Variants in EDNRB observed in about 807,000 individuals in gnomAD.
EDNRB encodes Hirschsprung disease 2.
A neutral mutation model predicts 46.4 loss-of-function variants in EDNRB; 18 were observed. The observed-to-expected ratio is 0.39, with a 90% confidence interval of 0.27 to 0.57. EDNRB has a LOEUF of 0.57. EDNRB is among the 20% of genes least tolerant of loss of function. The probability of loss-of-function intolerance (pLI) is 0.61; values close to 1 mark genes in which losing one functional copy is unlikely to be tolerated. For missense variants in EDNRB, 434 were observed against 537.5 expected, an observed-to-expected ratio of 0.81 and a Z score of 1.90; for synonymous variants, 213 against 204.9, an observed-to-expected ratio of 1.04 and a Z score of -0.34.
In EDNRB at chr13:77,972,754, C is replaced by T. The variant is rs117528247; in HGVS notation, c.-52+2593G>A. ...TGGTTATGTTAATAACTAGATGGTCCGCAATAGAATGAGGAAAGAAGAAAG... is the reference window on the plus strand; with the variant it reads ...TGGTTATGTTAATAACTAGATGGTCTGCAATAGAATGAGGAAAGAAGAAAG... On this transcript the variant is annotated intron_variant, in intron 1 of 7. Transcript: ENST00000646948. Among the ~76,000 whole-genome samples, 607 of 152,138 alleles carry T rather than the reference C, an allele frequency of 4.0e-3. 4 individuals are homozygous for T. The highest frequency in any genetic ancestry group is 0.01 in the Middle Eastern group (3 of 294).
At chr13:77,972,599 G>A (rs1881767989) in intron 1 of EDNRB, among the ~76,000 whole-genome samples, 1 of 152,146 alleles carries the variant, frequency 6.6e-6, no homozygotes, top group Admixed American at 6.5e-5. Context: ...GTTTACCAAT[G>A]CCCAGTCTAA....
intron 1 of EDNRB, among the ~76,000 whole-genome samples, chr13:77,910,548 A>G (rs1353057553): frequency 1.3e-5 from 2 of 152,040 alleles, no homozygotes; most frequent in Non-Finnish European, 2.9e-5. Flanking sequence ...AGTGCATGGA[A>G]ATATTTTCTT....
chr13:77,905,120 C>G (rs1210955613), intron 1 of EDNRB, among the ~76,000 whole-genome samples: 1 of 151,844 alleles, frequency 6.6e-6, no homozygotes, highest in African/African-American at 2.4e-5. Flanking sequence ...CCTACAGGGC[C>G]AGGCAGGTAA....
chr13:77,959,702 A>G (rs559478352), intron 1 of EDNRB, among the ~76,000 whole-genome samples: 297 of 152,374 alleles, frequency 1.9e-3, no homozygotes, highest in Middle Eastern at 3.4e-3. Flanking sequence ...AATAACTTTG[A>G]CGAATTGAGA....
At chr13:77,934,620 A>T (rs1880501945) in intron 1 of EDNRB, among the ~76,000 whole-genome samples, 2 of 146,052 alleles carry the variant, frequency 1.4e-5, no homozygotes, top group East Asian at 4.5e-4. Flanking sequence ...GGGGCATGTT[A>T]GTAAAGTCAA....
chr13:77,899,098 T>C (rs1403328554), intron 6 of EDNRB, among the ~76,000 whole-genome samples: 1 of 151,930 alleles, frequency 6.6e-6, no homozygotes, highest in African/African-American at 2.4e-5. Flanking sequence ...TTATGTCTTA[T>C]AAAATGAGGG....
chr13:77,944,148 A>G (rs971449680), intron 1 of EDNRB, among the ~76,000 whole-genome samples: 2 of 152,134 alleles, frequency 1.3e-5, no homozygotes, highest in Non-Finnish European at 2.9e-5. Context: ...GGATGATAAA[A>G]TACAGATTTC....
In EDNRB at chr13:77,934,680, G is replaced by T. The variant is rs921269838; in HGVS notation, c.-51-16056C>A. The stretch of plus-strand genomic sequence containing the variant: ...ATCCCTGAGCTTGATGTGTAGGAAA[G>T]GGGGGGGGGGGCCTGAATAGTCCCT... On this transcript the variant is annotated intron_variant, in intron 1 of 7. Coordinates refer to the EDNRB transcript ENST00000646948. Among the ~76,000 whole-genome samples the T allele has an allele frequency of 1.0e-3, 23 of 23,016 alleles. No individual in the cohort carries two copies. The African/African-American group carries it at 0.011, about 11-fold the overall frequency. 15.1% of individuals were successfully genotyped at this position (23,016 alleles called of 152,430 possible). A position where few individuals can be genotyped will look rare whatever the true frequency, so the allele number is the denominator to read the frequency against.
At chr13:77,938,550 G>A (rs747726676) in intron 1 of EDNRB, among the ~76,000 whole-genome samples, 4 of 152,128 alleles carry the variant, frequency 2.6e-5, no homozygotes, top group Non-Finnish European at 4.4e-5. Context: ...ACCAAGGCAG[G>A]CGTCCCCGCG....
chr13:77,909,322 A>G (rs1879453101), intron 1 of EDNRB, among the ~76,000 whole-genome samples: 1 of 152,046 alleles, frequency 6.6e-6, no homozygotes, highest in Non-Finnish European at 1.5e-5. Context: ...CATGAATAAG[A>G]AACAAATATT....
intron 1 of EDNRB, among the ~76,000 whole-genome samples, chr13:77,942,599 A>G (rs996838436): frequency 2.0e-5 from 3 of 152,172 alleles, no homozygotes; most frequent in Non-Finnish European, 4.4e-5. Flanking sequence ...ATTTATAGCA[A>G]TATTTACACC....
chr13:77,901,225 T>A lies in EDNRB; in HGVS notation c.802-18A>T, dbSNP rs1244775087. On this transcript the variant is annotated intron_variant, in intron 3 of 6. Transcript: ENST00000646607. ...TTGTAAAACTATAGGGATGAGAGAA[T>A]TTTTACGATTAATACTCCTCTGTAA... 6.2e-6 allele frequency: 10 copies of A among 1,605,566 alleles called. No homozygotes were observed. The highest frequency in any genetic ancestry group is 1.3e-5 in the African/African-American group (1 of 74,592).
At chr13:77,958,146 A>T (rs965200769) in intron 1 of EDNRB, among the ~76,000 whole-genome samples, 4 of 152,174 alleles carry the variant, frequency 2.6e-5, no homozygotes, top group Non-Finnish European at 5.9e-5. Context: ...ATTGGAAACT[A>T]CAATTGTATA....
intron 1 of EDNRB, among the ~76,000 whole-genome samples, chr13:77,933,517 A>T (rs1427504570): frequency 2.6e-5 from 4 of 152,194 alleles, no homozygotes; most frequent in African/African-American, 9.6e-5. Flanking sequence ...GGAACAGGCC[A>T]TTTTCATTTC....
upstream of EDNRB, among the ~76,000 whole-genome samples, chr13:77,923,833 G>A (rs1194943479): frequency 4.0e-5 from 6 of 151,040 alleles, no homozygotes; most frequent in Non-Finnish European, 5.9e-5. Context: ...AATAGAATGT[G>A]CTAGGAGAGT....
intron 1 of EDNRB, among the ~76,000 whole-genome samples, chr13:77,958,253 G>A (rs1275146240): frequency 2.0e-5 from 3 of 152,224 alleles, no homozygotes; most frequent in East Asian, 1.9e-4. Context: ...CTGATGGATA[G>A]CCTGGAATAA....
Position 77,903,304 on chromosome 13 carries a change from G to C in EDNRB, c.653C>G (p.Thr218Arg). ...CCAAATCAAAACAATTTCTACTGCTGTCCATTTTGGAACCCCAATTCCTTT... is the reference window on the plus strand; with the variant it reads ...CCAAATCAAAACAATTTCTACTGCTCTCCATTTTGGAACCCCAATTCCTTT... ...RIKGIGVPKW[T>R]AVEIVLIWVV... is the part of the protein sequence containing the mutation. Residue 218 changes from threonine (T) to arginine (R), a missense_variant, in exon 3 of 7, where the codon ACA becomes AGA. By Grantham distance (71) the Thr-to-Arg change is moderately conservative (BLOSUM62 -1). Transcript: ENST00000646607. The C allele has an allele frequency of 6.2e-7, 1 of 1,612,716 alleles. No homozygotes were observed. The highest frequency in any genetic ancestry group is 8.5e-7 in the Non-Finnish European group (1 of 1,179,280).
At chr13:77,941,579 A>G (rs2137665171) in intron 1 of EDNRB, among the ~76,000 whole-genome samples, 1 of 152,346 alleles carries the variant, frequency 6.6e-6, no homozygotes, top group East Asian at 1.9e-4. Flanking sequence ...GCAGCTTCAT[A>G]TCTATTTTAC....
intron 3 of EDNRB, among the ~76,000 whole-genome samples, chr13:77,901,691 C>A (rs1376035456): frequency 3.9e-5 from 6 of 151,990 alleles, no homozygotes; most frequent in Non-Finnish European, 8.8e-5. Flanking sequence ...CGCAAAAAGA[C>A]AAAATCTGCT....
Sources: gnomAD v4.1 joint callset for allele counts (sites outside exome capture counted in the v4.1 genomes callset) on GRCh38, gnomAD v4.1.1 for gene constraint, MANE v1.5 for transcripts, NCBI Gene and HGNC (gene_info 2026-07-23, HGNC 2026-07-21) for gene names.